The following PTPN13 variants were observed in gnomAD, a reference collection of about 807,000 sequenced individuals.
PTPN13 encodes the protein tyrosine-protein phosphatase non-receptor type 13.
Under a neutral mutation model 284.0 loss-of-function variants are expected in PTPN13, and 191 were observed. That is an observed-to-expected ratio of 0.67 (90% CI 0.60 to 0.76). PTPN13 has a LOEUF of 0.76. Among genes scored for constraint, PTPN13 ranks in the 30% least tolerant of loss-of-function variants. The probability of loss-of-function intolerance (pLI) is 0.00; values close to 1 mark genes in which losing one functional copy is unlikely to be tolerated. For synonymous variants in PTPN13, 986 were observed against 1,022.3 expected (o/e 0.96, Z 0.68); for missense variants, 2,797 against 2,939.9 (o/e 0.95, Z 1.12).
chr4:86,632,733 G>A (rs1428724886), intron 1 of PTPN13, among the ~76,000 whole-genome samples: 2 of 151,006 alleles, frequency 1.3e-5, no homozygotes, highest in Non-Finnish European at 3.0e-5. Context: ...GGGTACTTCA[G>A]GTGGAACTCT....
At chr4:86,617,484 TTACACATG>T (rs1364007044) in intron 1 of PTPN13, among the ~76,000 whole-genome samples, 3 of 152,230 alleles carry the variant, frequency 2.0e-5, no homozygotes, top group Non-Finnish European at 1.5e-5. Context: ...TGCAGGTTTG[TTACACATG>T]TACACATGTA....
intron 2 of PTPN13, among the ~76,000 whole-genome samples, chr4:86,639,235 T>C (rs1723443478): frequency 6.6e-6 from 1 of 151,884 alleles, no homozygotes; most frequent in Non-Finnish European, 1.5e-5. Flanking sequence ...GGTGGGACTG[T>C]AAACTAGTTC....
intron 42 of PTPN13, among the ~76,000 whole-genome samples, chr4:86,799,519 A>C (rs1363050522): frequency 6.6e-6 from 1 of 151,604 alleles, no homozygotes; most frequent in African/African-American, 2.4e-5. Flanking sequence ...TAGTAGAGAC[A>C]GGGTTTCACC....
chr4:86,633,248 G>A (rs1201444857), intron 1 of PTPN13, among the ~76,000 whole-genome samples: 2 of 152,078 alleles, frequency 1.3e-5, no homozygotes, highest in African/African-American at 4.8e-5. Flanking sequence ...GTGCTTCCTT[G>A]CCCCTCTCTT....
In PTPN13 at chr4:86,693,590, G is replaced by T. The variant is rs865820909; in HGVS notation, c.550G>T (p.Asp184Tyr). ...KLVLGNLSGT[D>Y]QLSCNSEQKP... ...ATTTTTTATTACCTGTGTACAGACA[G>T]ATCAGCTTTCCTGTAACAGTGAACA... Residue 184 changes from aspartate to tyrosine, a missense_variant, in exon 6 of 48, where the codon GAT becomes TAT. Physicochemically the swap from Asp to Tyr is radical, Grantham distance 160. Transcript: ENST00000411767. 1 of 1,547,130 alleles carries T rather than the reference G, an allele frequency of 6.5e-7. No homozygotes were observed. The highest frequency in any genetic ancestry group is 8.8e-7 in the Non-Finnish European group (1 of 1,142,226).
intron 19 of PTPN13, among the ~76,000 whole-genome samples, 173 bp downstream of exon 19, chr4:86,751,297 A>G (rs1342471525): frequency 6.6e-6 from 1 of 152,174 alleles, no homozygotes; most frequent in African/African-American, 2.4e-5. Flanking sequence ...TGATTTAACA[A>G]GTGATTGCTT....
rs1554306602 is a variant in PTPN13, at chr4:86,680,347, C to CTA, written c.295-6362_295-6361insAT. On this transcript the variant is annotated intron_variant, in intron 3 of 47. Transcript: ENST00000411767. ...ATGTCACATTTTCCTTTCTATCTAT[C>CTA]TCTATCTATCTATCTATCTATCTAT... is the stretch of plus-strand genomic sequence containing the variant. Among the ~76,000 whole-genome samples, 370 of 142,648 alleles carry CTA rather than the reference C, an allele frequency of 2.6e-3. 3 individuals carry two copies. Among genetic ancestry groups the CTA allele is most frequent in the Non-Finnish European group, 2.0e-3 (132 of 65,378 alleles). 93.6% of individuals were successfully genotyped at this position (142,648 alleles called of 152,430 possible).
intron 23 of PTPN13, among the ~76,000 whole-genome samples, chr4:86,760,096 T>A (rs1183457201): frequency 6.6e-6 from 1 of 152,160 alleles, no homozygotes; most frequent in Non-Finnish European, 1.5e-5. Context: ...TCATTTTGAG[T>A]ATGATTTCTT....
intron 14 of PTPN13, among the ~76,000 whole-genome samples, chr4:86,735,244 C>T (rs748859628): frequency 1.4e-4 from 22 of 152,128 alleles, no homozygotes; most frequent in Non-Finnish European, 3.1e-4. Flanking sequence ...GTGGAGAACT[C>T]ACAGTATACT....
At chr4:86,788,511 T>G (rs1036060404) in intron 40 of PTPN13, among the ~76,000 whole-genome samples, 8 of 152,216 alleles carry the variant, frequency 5.3e-5, no homozygotes, top group Non-Finnish European at 7.4e-5. Context: ...TATAGGAATA[T>G]CTTCTTACAG....
At chr4:86,775,744 A>G (rs1242859626) in intron 35 of PTPN13, 92 bp downstream of exon 35, 39 of 1,017,768 alleles carry the variant, frequency 3.8e-5, no homozygotes, top group Non-Finnish European at 5.4e-5. Context: ...ATATTACTGA[A>G]TTAGTAATTC....
At position 86,775,458 on chromosome 4, in the gene PTPN13, A is replaced by G. The variant is rs371267329; in HGVS notation, c.5697A>G (p.Gly1899=). Reference sequence around the variant, plus strand: ...TATTTCAAGGTTTTTCCTTATGTGGAGGTCATGACAGCCTTTATCAAGTGG... The same window carrying G: ...TATTTCAAGGTTTTTCCTTATGTGGGGGTCATGACAGCCTTTATCAAGTGG... ...NKEELGFSLC[G]GHDSLYQVVY... The change falls in exon 35 of 48, where the codon GGA becomes GGG. Residue 1899 remains glycine (G), a synonymous_variant. Transcript: ENST00000411767. The G allele has an allele frequency of 3.8e-5, 61 of 1,606,058 alleles. No individual in the cohort carries two copies. In the African/African-American group the frequency reaches 6.4e-4, roughly 17 times the overall value.
intron 7 of PTPN13, among the ~76,000 whole-genome samples, chr4:86,703,162 T>G (rs1397406943): frequency 6.6e-6 from 1 of 152,166 alleles, no homozygotes; most frequent in Non-Finnish European, 1.5e-5. Context: ...ACATGAATTT[T>G]TCAAAAACAT....
chr4:86,750,531 A>G lies in PTPN13; in HGVS notation c.2712A>G (p.Gly904=), dbSNP rs1370544634. Residue 904 remains glycine, a synonymous_variant, in exon 18 of 48, where the codon GGA becomes GGG. Transcript: ENST00000411767. Reference sequence around the variant, plus strand: ...AGTCTGTTAGAGGATTTAATATGGGACGAGCAATCAGCACTGGCAGTCTGG... The same window carrying G: ...AGTCTGTTAGAGGATTTAATATGGGGCGAGCAATCAGCACTGGCAGTCTGG... ...QAESVRGFNM[G]RAISTGSLAS... 2.5e-6 allele frequency: 4 copies of G among 1,613,968 alleles called. No homozygotes were observed. Among genetic ancestry groups the G allele is most frequent in the Non-Finnish European group, 3.4e-6 (4 of 1,179,868 alleles).
At chr4:86,714,136 C>T (rs186312008) in intron 7 of PTPN13, among the ~76,000 whole-genome samples, 45 of 151,550 alleles carry the variant, frequency 3.0e-4, no homozygotes, top group Middle Eastern at 6.9e-3. Context: ...TTCTAGCCTA[C>T]CCTACATCTT....
At chr4:86,700,490 G>A (rs555588378) in intron 6 of PTPN13, among the ~76,000 whole-genome samples, 1 of 152,132 alleles carries the variant, frequency 6.6e-6, no homozygotes, top group South Asian at 2.1e-4. Context: ...AAAGTAAAAT[G>A]ACTACTGATT....
chr4:86,745,141 A>T lies in PTPN13; in HGVS notation c.2650+13A>T, dbSNP rs781571538. 6.3e-7 allele frequency: 1 copy of T among 1,595,220 alleles called. No individual in the cohort carries two copies. The highest frequency in any genetic ancestry group is 1.8e-5 in the Admixed American group (1 of 55,394). ...GCCCAAGATATTGGTAAGGAGAAGC[A>T]GACTATTTCAGATGACTCCTGGGAA... is the stretch of plus-strand genomic sequence containing the variant. On this transcript the variant is annotated intron_variant, in intron 17 of 47. Transcript: ENST00000411767.
intron 3 of PTPN13, among the ~76,000 whole-genome samples, chr4:86,680,347 C>CTCTATCTATCTATCTA (rs56694637): frequency 1.5e-4 from 21 of 142,652 alleles, no homozygotes; most frequent in Admixed American, 4.2e-4. Context: ...TTCTATCTAT[C>CTCTATCTATCTATCTA]TCTATCTATC....
Position 86,701,301 on chromosome 4 carries a change from T to G in PTPN13, c.695T>G (p.Phe232Cys). The change falls in exon 7 of 48, where the codon TTT becomes TGT. Residue 232 changes from phenylalanine to cysteine, a missense_variant. By Grantham distance (205) the Phe-to-Cys change is radical. Transcript: ENST00000411767. ...AAGCCTCCACTCTCTCATCAGACCT[T>G]TCTTAACAAAGGGCTTAGTAAATCT... ...IQKPPLSHQT[F>C]LNKGLSKSMG... 1 of 1,612,148 alleles carries G rather than the reference T, an allele frequency of 6.2e-7. No homozygotes were observed. The highest frequency in any genetic ancestry group is 8.5e-7 in the Non-Finnish European group (1 of 1,179,028).
Sources: gnomAD v4.1 joint callset for allele counts (sites outside exome capture counted in the v4.1 genomes callset) on GRCh38, gnomAD v4.1.1 for gene constraint, MANE v1.5 for transcripts, NCBI Gene and HGNC (gene_info 2026-07-23, HGNC 2026-07-21) for gene names.